The following GK variants were observed in gnomAD, a reference collection of about 807,000 sequenced individuals.
GK encodes ATP:glycerol 3-phosphotransferase.
GK carries 9 observed loss-of-function variants against 56.4 expected under a neutral mutation model. The observed-to-expected ratio is 0.16, with a 90% confidence interval of 0.10 to 0.28. The LOEUF (loss-of-function observed/expected upper bound fraction) is 0.28, where lower values mean the gene tolerates loss of function less well. GK is among the 10% of genes least tolerant of loss of function. The pLI is 1.00. For missense variants in GK, 161 were observed against 431.4 expected (o/e 0.37, Z 5.55); for synonymous variants, 104 against 144.1 (o/e 0.72, Z 1.99).
At chrX:30,692,349 A>C (rs977506639) in intron 5 of GK, among the ~76,000 whole-genome samples, 4 of 111,167 alleles carry the variant, frequency 3.6e-5, no homozygotes, top group Non-Finnish European at 5.7e-5. Flanking sequence ...CAACTTTTAC[A>C]CTTTCTACCC....
At chrX:30,693,011 CTTTT>C (rs1184645786) in intron 5 of GK, among the ~76,000 whole-genome samples, 1 of 56,619 alleles carries the variant, frequency 1.8e-5, no homozygotes, top group Admixed American at 2.3e-4. Context: ...TTTTTCTTTT[CTTTT>C]TTTTTTTTTT....
Position 30,702,504 on chromosome X carries a change from A to T in GK, c.851+1599A>T, listed in dbSNP as rs777319644. Among the ~76,000 whole-genome samples, 5 of 112,840 alleles carry T rather than the reference A, an allele frequency of 4.4e-5. No individual in the cohort carries two copies. In the East Asian group the frequency reaches 1.4e-3, roughly 31 times the overall value. On this transcript the variant is annotated intron_variant, in intron 11 of 20. Transcript: ENST00000427190. ...ATGTTTCATGTGCTTTAAACACATG[A>T]TATCATTTAATCCACATATAGATCC...
At chrX:30,699,246 GTTATATATACATGTTATGTATAACATGTA>G (rs1369829056) in intron 9 of GK, among the ~76,000 whole-genome samples, 1 of 94,986 alleles carries the variant, frequency 1.1e-5, no homozygotes, top group Admixed American at 1.2e-4. Flanking sequence ...TGTATAACAT[GTTATATATACATGTTATGTATAACATGTA>G]TATATACAAC....
At chrX:30,699,389 G>A (rs1230689209) in intron 9 of GK, among the ~76,000 whole-genome samples, 4 of 85,558 alleles carry the variant, frequency 4.7e-5, no homozygotes, top group South Asian at 6.1e-4. Context: ...TTTTTGAGAC[G>A]GAGGCTCACT....
chrX:30,692,165 T>C (rs912926707), intron 5 of GK, among the ~76,000 whole-genome samples: 1 of 111,432 alleles, frequency 9.0e-6, no homozygotes, highest in Non-Finnish European at 1.9e-5. Flanking sequence ...ATTGTTGAAA[T>C]CCCATTAATT....
chrX:30,661,311 G>A (rs765271779), intron 1 of GK, among the ~76,000 whole-genome samples: 13 of 111,248 alleles, frequency 1.2e-4, no homozygotes, highest in Non-Finnish European at 2.1e-4. Context: ...GCACTGACCT[G>A]TAACTTGTCA....
Position 30,713,557 on chromosome X carries a change from C to T in GK, c.976-4981C>T, listed in dbSNP as rs766893454. Among the ~76,000 whole-genome samples, 22 of 111,936 alleles carry T rather than the reference C, an allele frequency of 2.0e-4. No individual in the cohort carries two copies. In the East Asian group the frequency reaches 5.9e-3, roughly 30 times the overall value. On this transcript the variant is annotated intron_variant, in intron 13 of 20. Transcript: ENST00000427190. ...AACTCTTTTTCTCTCCCTGAAGCCC[C>T]TGGCAGGTGATAGTAAGGCCTGACA...
intron 1 of GK, among the ~76,000 whole-genome samples, chrX:30,663,037 C>T (rs1223385362): frequency 1.8e-5 from 2 of 110,112 alleles, no homozygotes; most frequent in Admixed American, 9.9e-5. Context: ...CATGCGCCAC[C>T]ACGCCCAACA....
chrX:30,712,717 C>CTTTTTTTTTTTTTTTTTT (rs769269247), intron 13 of GK, among the ~76,000 whole-genome samples: 1 of 48,436 alleles, frequency 2.1e-5, no homozygotes, highest in Non-Finnish European at 3.5e-5. Flanking sequence ...TTTTTCTTTT[C>CTTTTTTTTTTTTTTTTTT]TTTTTTTTTT....
chrX:30,659,144 G>T (rs1932536021), intron 1 of GK, among the ~76,000 whole-genome samples: 1 of 111,345 alleles, frequency 9.0e-6, no homozygotes, highest in Non-Finnish European at 1.9e-5. Flanking sequence ...CGATTCCCCT[G>T]CCTAGCCTCC....
intron 18 of GK, among the ~76,000 whole-genome samples, chrX:30,722,865 C>A (rs761802020): frequency 4.5e-5 from 5 of 111,153 alleles, no homozygotes; most frequent in African/African-American, 6.6e-5. Flanking sequence ...GTGTTGCAGG[C>A]CTCAGGTGCT....
At position 30,659,069 on chromosome X, in the gene GK, T is replaced by A. The variant is rs749827737; in HGVS notation, c.78+5454T>A. 1.1e-4 allele frequency among the ~76,000 whole-genome samples: 12 copies of A among 112,556 alleles called. No homozygotes were observed. In the South Asian group the frequency reaches 4.4e-3, roughly 41 times the overall value. Reference sequence around the variant, plus strand: ...TTGAGACAGAGTTTCACTCTTCTTGTTGCCCAGGCTGGAGTGCAATGGCGT... The same window carrying A: ...TTGAGACAGAGTTTCACTCTTCTTGATGCCCAGGCTGGAGTGCAATGGCGT... On this transcript the variant is annotated intron_variant, in intron 1 of 20. Coordinates refer to ENST00000427190, the MANE Select transcript of GK (RefSeq NM_001205019.2).
At chrX:30,695,917 G>C in intron 6 of GK, 125 bp from the exon 7 acceptor site, 1 of 505,861 alleles carries the variant, frequency 2.0e-6, no homozygotes, top group Non-Finnish European at 3.6e-6. Flanking sequence ...ACAGAAAAAA[G>C]AAGGTAAAAA....
At chrX:30,681,072 C>T (rs187815421) in intron 4 of GK, among the ~76,000 whole-genome samples, 6 of 111,584 alleles carry the variant, frequency 5.4e-5, no homozygotes, top group African/African-American at 9.8e-5. Context: ...ATTTTTCATA[C>T]GCATTATCTA....
At chrX:30,659,972 C>A (rs759403429) in intron 1 of GK, among the ~76,000 whole-genome samples, 55 of 111,866 alleles carry the variant, frequency 4.9e-4, no homozygotes, top group African/African-American at 1.7e-3. Flanking sequence ...TGGTCTTGAA[C>A]TCCTGACCTC....
intron 3 of GK, 25 bp from the exon 4 acceptor site, chrX:30,677,350 C>T (rs1441895314): frequency 2.1e-6 from 2 of 944,980 alleles, no homozygotes; most frequent in South Asian, 3.9e-5. Context: ...TTTTGACTTC[C>T]TTCTGTTTAA....
At chrX:30,662,783 C>T (rs1330453663) in intron 1 of GK, among the ~76,000 whole-genome samples, 4 of 104,420 alleles carry the variant, frequency 3.8e-5, no homozygotes, top group Non-Finnish European at 7.8e-5. Flanking sequence ...CTCTCTCTCT[C>T]TCTCTTTCTT....
At position 30,729,828 on chromosome X, in the gene GK, A is replaced by G. The variant is rs1457658973; in HGVS notation, c.*1086A>G. 8.8e-6 allele frequency: 1 copy of G among 113,078 alleles called. No homozygotes were observed. The highest frequency in any genetic ancestry group is 3.2e-5 in the African/African-American group (1 of 31,169). 9.3% of individuals were successfully genotyped at this position (113,078 alleles called of 1,213,427 possible). A position where few individuals can be genotyped will look rare whatever the true frequency, so the allele number is the denominator to read the frequency against. On this transcript the variant is annotated 3_prime_UTR_variant, in exon 21 of 21. Transcript: ENST00000427190. ...TTTTCAAACACAAGCAATAATTCAA[A>G]TAGTTATTTTTCTTTTGAATTAATT...
intron 18 of GK, chrX:30,721,224 T>C (rs1936881598): frequency 2.3e-6 from 1 of 433,784 alleles, no homozygotes; most frequent in African/African-American, 2.5e-5. Context: ...ATCATTTGCT[T>C]TTACTGTTTA....
Sources: allele counts gnomAD v4.1 joint callset (sites outside exome capture counted in the v4.1 genomes callset), GRCh38; gene constraint gnomAD v4.1.1; transcripts MANE v1.5; gene names NCBI Gene and HGNC (gene_info 2026-07-23, HGNC 2026-07-21).